Variants in GATA3 observed in about 807,000 individuals in gnomAD.
GATA3 encodes the protein trans-acting T-cell-specific transcription factor GATA-3.
In GATA3, 6 loss-of-function variants were observed where a neutral mutation model predicts 36.0. The ratio of observed to expected loss-of-function variants is 0.17; its 90% CI spans 0.09 to 0.33. The LOEUF is 0.33. Ranked by LOEUF, GATA3 falls within the 10% of genes least tolerant of loss-of-function variation. The probability of loss-of-function intolerance (pLI) is 1.00; values close to 1 mark genes in which losing one functional copy is unlikely to be tolerated. For synonymous variants in GATA3, 326 were observed against 273.0 expected (o/e 1.19, Z -1.92); for missense variants, 514 against 610.1 (o/e 0.84, Z 1.66).
chr10:8,072,687 TC>T (rs1297847199), intron 5 of GATA3, among the ~76,000 whole-genome samples: 1 of 152,240 alleles, frequency 6.6e-6, no homozygotes, highest in Non-Finnish European at 1.5e-5. Context: ...TCTTGGTCTT[TC>T]CTTTTCAAGA....
rs1006472002 is a variant in GATA3, at chr10:8,073,671, C to T, written c.1051-68C>T. ...GGTCAGTGGAACCCTTCTTGGTGTGCGAGAGCCTGTGCATTTCAGAGGCAG... is the reference window on the plus strand; with the variant it reads ...GGTCAGTGGAACCCTTCTTGGTGTGTGAGAGCCTGTGCATTTCAGAGGCAG... On this transcript the variant is annotated intron_variant, in intron 5 of 5. Coordinates refer to ENST00000379328, the MANE Select transcript of GATA3 (RefSeq NM_001002295.2). 2.9e-5 allele frequency: 43 copies of T among 1,493,706 alleles called. No homozygotes were observed. In the Admixed American group the frequency reaches 4.2e-4, roughly 14 times the overall value. 92.5% of individuals were successfully genotyped at this position (1,493,706 alleles called of 1,614,324 possible). A position where few individuals can be genotyped will look rare whatever the true frequency, so the allele number is the denominator to read the frequency against.
chr10:8,061,090 T>TC (rs60684832), intron 3 of GATA3, among the ~76,000 whole-genome samples: 10 of 86,742 alleles, frequency 1.2e-4, no homozygotes, highest in African/African-American at 3.2e-4. Context: ...TCTCTCTCTC[T>TC]TTTTTACCCC....
At chr10:8,049,523 C>A (rs895243564), upstream of GATA3, among the ~76,000 whole-genome samples, 1 of 152,164 alleles carries the variant, frequency 6.6e-6, no homozygotes, top group Non-Finnish European at 1.5e-5. Context: ...ATGTATTTAA[C>A]CTGCGCGGTC....
chr10:8,051,035 T>C, upstream of GATA3: 1 of 523,658 alleles, frequency 1.9e-6, no homozygotes, highest in Non-Finnish European at 3.9e-6. Flanking sequence ...CCTGGGTCTG[T>C]AGCCCTAGGG....
At chr10:8,054,631 C>G (rs894523954), upstream of GATA3, 1 of 152,166 alleles carries the variant, frequency 6.6e-6, no homozygotes, top group African/African-American at 2.4e-5. This position sits in a 1 kb window ranked among gnomAD's most constrained non-coding sequence, Gnocchi z 4.2. Context: ...GGCTCCTCCC[C>G]CCCGGCGCGG....
rs1408827407 is a variant in GATA3 at position 8,069,700 on chromosome 10, C to A, written c.1050+102C>A. 4 of 1,347,996 alleles carry A rather than the reference C, an allele frequency of 3.0e-6. No homozygotes were observed. In the African/African-American group the frequency reaches 5.8e-5, roughly 19 times the overall value. 83.5% of individuals were successfully genotyped at this position (1,347,996 alleles called of 1,614,324 possible). A position where few individuals can be genotyped will look rare whatever the true frequency, so the allele number is the denominator to read the frequency against. ...CCAAGTGAATCGCTCACCATGGGGG[C>A]AGATGACAGGTTCCAAATAATTGAT... On this transcript the variant is annotated intron_variant, in intron 5 of 5. Coordinates refer to ENST00000379328, the MANE Select transcript of GATA3 (RefSeq NM_001002295.2).
At chr10:8,067,523 G>C (rs939270111) in intron 4 of GATA3, among the ~76,000 whole-genome samples, 7 of 152,198 alleles carry the variant, frequency 4.6e-5, no homozygotes, top group Admixed American at 3.3e-4. Flanking sequence ...ATATAAAACT[G>C]TACCAGAATC....
intron 5 of GATA3, 42 bp from the exon 6 acceptor site, chr10:8,073,697 C>CA: frequency 6.6e-7 from 1 of 1,514,626 alleles, no homozygotes; most frequent in Non-Finnish European, 8.8e-7. Flanking sequence ...TCAGAGGCAG[C>CA]AAAAAAGTAA....
At chr10:8,069,265 C>T (rs182697848) in intron 4 of GATA3, among the ~76,000 whole-genome samples, 1 of 152,252 alleles carries the variant, frequency 6.6e-6, no homozygotes, top group East Asian at 1.9e-4. Context: ...TTACTGCAAT[C>T]CTGACATGCT....
chr10:8,047,518 T>C (rs1300777960), intron 1 of GATA3, among the ~76,000 whole-genome samples: 2 of 152,224 alleles, frequency 1.3e-5, no homozygotes, highest in Non-Finnish European at 2.9e-5. Context: ...ACTTAACGGT[T>C]GGAATAACCA....
chr10:8,052,897 C>CGGGGGG (rs10666221), upstream of GATA3: 2 of 57,280 alleles, frequency 3.5e-5, no homozygotes, highest in African/African-American at 6.8e-5. Flanking sequence ...AGAAACGTGG[C>CGGGGGG]GGGGGGGGGG....
At chr10:8,050,223 T>C (rs1271899), upstream of GATA3, among the ~76,000 whole-genome samples, 117,257 of 152,260 alleles carry the variant, frequency 0.77, 45,305 homozygotes, top group East Asian at 0.95. Flanking sequence ...GAATTAAACG[T>C]CTCTGGGCGG....
At position 8,061,430 on chromosome 10, in the gene GATA3, G is replaced by A. The variant is rs3824666; in HGVS notation, c.779-2563G>A. The stretch of plus-strand genomic sequence containing the variant: ...GAGCAAGAGGCATTTGCCAGCAGCT[G>A]TTGAATGTCAAGAGGCCTCGCCGCT... On this transcript the variant is annotated intron_variant, in intron 3 of 5. Transcript: ENST00000379328. Among the ~76,000 whole-genome samples, 1,251 of 152,298 alleles carry A rather than the reference G, an allele frequency of 8.2e-3. 9 individuals are homozygous for A. Among genetic ancestry groups the A allele is most frequent in the East Asian group, 0.016 (81 of 5,162 alleles).
upstream of GATA3, chr10:8,051,156 G>T (rs762354015): frequency 4.0e-6 from 2 of 495,112 alleles, no homozygotes; most frequent in East Asian, 5.9e-5. Context: ...CTGGGAGGGC[G>T]GGTGGGAGGG....
rs932367937 is a variant in GATA3 at position 8,066,845 on chromosome 10, A to T, written c.925-2628A>T. ...GTTCCCATAAAGTTTGTAGTACTGG[A>T]AGCATCTTCCTTTGCTTTTATTTAG... is the stretch of plus-strand genomic sequence containing the variant. On this transcript the variant is annotated intron_variant, in intron 4 of 5. Transcript: ENST00000379328. Among the ~76,000 whole-genome samples the T allele has an allele frequency of 2.0e-5, 3 of 152,164 alleles. No homozygotes were observed. In the East Asian group the frequency reaches 5.8e-4, roughly 29 times the overall value.
At chr10:8,049,980 G>A (rs974103081), upstream of GATA3, among the ~76,000 whole-genome samples, 3 of 152,192 alleles carry the variant, frequency 2.0e-5, no homozygotes, top group Admixed American at 1.3e-4. Context: ...GCCGCGAAAG[G>A]CGCGGCGGTC....
At chr10:8,051,969 C>A (rs1420621223), upstream of GATA3, among the ~76,000 whole-genome samples, 1 of 152,194 alleles carries the variant, frequency 6.6e-6, no homozygotes, top group African/African-American at 2.4e-5. Flanking sequence ...ATCCCCCTCC[C>A]ATCCTTTTCC....
chr10:8,058,265 C>A (rs1318611072), intron 2 of GATA3, 40 bp from the exon 3 acceptor site: 1 of 1,607,084 alleles, frequency 6.2e-7, no homozygotes, highest in Non-Finnish European at 8.5e-7. Context: ...GCCACACTCA[C>A]CCTCCTTCTC....
chr10:8,061,089 C>CT (rs1554795206), intron 3 of GATA3, among the ~76,000 whole-genome samples: 104 of 145,814 alleles, frequency 7.1e-4, no homozygotes, highest in African/African-American at 2.6e-3. Context: ...CTCTCTCTCT[C>CT]TTTTTTACCC....
Sources: gnomAD v4.1 joint callset for allele counts (sites outside exome capture counted in the v4.1 genomes callset) on GRCh38, gnomAD v4.1.1 for gene constraint, Gnocchi (gnomAD v3.1) non-coding constraint, MANE v1.5 for transcripts, NCBI Gene and HGNC (gene_info 2026-07-23, HGNC 2026-07-21) for gene names.